GABRB3: variants seen among roughly 807,000 people sequenced by gnomAD.
The protein encoded by GABRB3 is gamma-aminobutyric acid receptor subunit beta-3.
A neutral mutation model predicts 52.1 loss-of-function variants in GABRB3; 14 were observed. That is an observed-to-expected ratio of 0.27 (90% CI 0.18 to 0.42). The LOEUF (loss-of-function observed/expected upper bound fraction) is 0.42. Among genes scored for constraint, GABRB3 ranks in the 10% least tolerant of loss-of-function variants. The pLI is 1.00. For missense variants in GABRB3, 307 were observed against 609.1 expected (o/e 0.50, Z 5.22); for synonymous variants, 260 against 232.3 (o/e 1.12, Z -1.08).
intron 3 of GABRB3, among the ~76,000 whole-genome samples, chr15:26,632,835 T>TA (rs1369386204): frequency 6.6e-6 from 1 of 152,220 alleles, no homozygotes; most frequent in African/African-American, 2.4e-5. Context: ...CTGTAGCCAT[T>TA]AATTGATCTA....
In GABRB3 at chr15:26,631,193, G is replaced by A. The variant is rs553492146; in HGVS notation, c.241-9659C>T. Among the ~76,000 whole-genome samples, 5 of 152,304 alleles carry A rather than the reference G, an allele frequency of 3.3e-5. No homozygotes were observed. In the East Asian group the frequency reaches 5.8e-4, roughly 18 times the overall value. On this transcript the variant is annotated intron_variant, in intron 3 of 8. Transcript: ENST00000311550. ...TGACTGCCCTTTCAAAATCTCCTGA[G>A]TATATACAAGCAGCAGCAACAACAA...
At chr15:26,726,261 A>G (rs978273133) in intron 3 of GABRB3, among the ~76,000 whole-genome samples, 1 of 152,118 alleles carries the variant, frequency 6.6e-6, no homozygotes, top group Non-Finnish European at 1.5e-5. Flanking sequence ...TAAATTTTGG[A>G]TTTTTGGATT....
At chr15:26,715,861 T>A (rs1889449900) in intron 3 of GABRB3, among the ~76,000 whole-genome samples, 1 of 152,184 alleles carries the variant, frequency 6.6e-6, no homozygotes, top group African/African-American at 2.4e-5. Context: ...TTGCAACTCA[T>A]TTATAATGTA....
chr15:26,716,724 C>T (rs1007885186), intron 3 of GABRB3: 2 of 1,014,740 alleles, frequency 2.0e-6, no homozygotes, highest in Non-Finnish European at 2.4e-6. Flanking sequence ...TTTCACAGGC[C>T]ATCCAGCTCA....
At chr15:26,684,596 C>T (rs753149915) in intron 3 of GABRB3, among the ~76,000 whole-genome samples, 4 of 152,090 alleles carry the variant, frequency 2.6e-5, no homozygotes, top group Non-Finnish European at 4.4e-5. Flanking sequence ...CACTGAGGGA[C>T]GTGCAACTCC....
intron 3 of GABRB3, among the ~76,000 whole-genome samples, chr15:26,752,016 C>G (rs1239803892): frequency 6.6e-6 from 1 of 152,118 alleles, no homozygotes; most frequent in Non-Finnish European, 1.5e-5. Context: ...ATATAAAAAA[C>G]AGCATGCTTT....
rs550090554 is a variant in GABRB3, at chr15:26,754,889, G to A, written c.240+17513C>T. ...GTGTCATGCACTCAAACACCCGAGG[G>A]GTCGAGGCTCGGCTCAGCCGTGGAG... On this transcript the variant is annotated intron_variant, in intron 3 of 8. Transcript: ENST00000311550. Among the ~76,000 whole-genome samples, 3 of 152,236 alleles carry A rather than the reference G, an allele frequency of 2.0e-5. No homozygotes were observed. The East Asian group carries it at 5.8e-4, about 29-fold the overall frequency.
At chr15:26,707,055 G>GGGAAAGAATCGGGGAAATACA (rs1378592057) in intron 3 of GABRB3, among the ~76,000 whole-genome samples, 2 of 152,186 alleles carry the variant, frequency 1.3e-5, no homozygotes, top group African/African-American at 4.8e-5. Flanking sequence ...CACAATCAAC[G>GGGAAAGAATCGGGGAAATACA]GGAAAGAATC....
intron 6 of GABRB3, among the ~76,000 whole-genome samples, chr15:26,577,356 T>C (rs1890629091): frequency 6.6e-6 from 1 of 151,904 alleles, no homozygotes; most frequent in African/African-American, 2.4e-5. Flanking sequence ...CTACTAAAAA[T>C]ACAAAATTTA....
At chr15:26,693,714 A>C (rs1330774345) in intron 3 of GABRB3, among the ~76,000 whole-genome samples, 1 of 152,248 alleles carries the variant, frequency 6.6e-6, no homozygotes, top group Non-Finnish European at 1.5e-5. Context: ...AGAGATAGAT[A>C]CAGAGAATCA....
intron 4 of GABRB3, among the ~76,000 whole-genome samples, chr15:26,587,234 T>C (rs539304680): frequency 6.6e-6 from 1 of 152,254 alleles, no homozygotes; most frequent in East Asian, 1.9e-4. Flanking sequence ...ATTAAAAAAA[T>C]GGAGCCACTT....
intron 4 of GABRB3, among the ~76,000 whole-genome samples, chr15:26,600,556 C>G (rs1891552544): frequency 6.6e-6 from 1 of 152,072 alleles, no homozygotes; most frequent in South Asian, 2.1e-4. Context: ...ACCCTGCATT[C>G]TAAGAAAGAG....
chr15:26,606,705 T>TAAG (rs35186395), intron 4 of GABRB3, among the ~76,000 whole-genome samples: 144,445 of 150,210 alleles, frequency 0.96, 69,601 homozygotes, highest in East Asian at 1. Context: ...AAAGAACAAG[T>TAAG]AAGAAGTAAA....
chr15:26,709,827 T>G (rs986545819), intron 3 of GABRB3, among the ~76,000 whole-genome samples: 2 of 152,128 alleles, frequency 1.3e-5, no homozygotes, highest in Non-Finnish European at 2.9e-5. Context: ...ATAAACCTCT[T>G]TTCTTTATAA....
At chr15:26,648,430 A>C (rs567173848) in intron 3 of GABRB3, among the ~76,000 whole-genome samples, 2 of 152,352 alleles carry the variant, frequency 1.3e-5, no homozygotes, top group African/African-American at 4.8e-5. Context: ...GTGCATGTGG[A>C]AGAGAAGCTC....
intron 4 of GABRB3, among the ~76,000 whole-genome samples, chr15:26,585,389 T>C (rs1007377711): frequency 2.0e-5 from 3 of 152,168 alleles, no homozygotes; most frequent in African/African-American, 7.2e-5. Flanking sequence ...CTGCAGGTAA[T>C]GAGCAAGCCC....
At chr15:26,696,024 C>A (rs988524118) in intron 3 of GABRB3, among the ~76,000 whole-genome samples, 4 of 152,134 alleles carry the variant, frequency 2.6e-5, no homozygotes, top group Non-Finnish European at 5.9e-5. Flanking sequence ...TGAAACAATA[C>A]GAAGCAAAAC....
chr15:26,708,212 G>C (rs963066251), intron 3 of GABRB3, among the ~76,000 whole-genome samples: 1 of 152,186 alleles, frequency 6.6e-6, no homozygotes, highest in African/African-American at 2.4e-5. Context: ...ATCTTTAAAA[G>C]GATGAGTACA....
In GABRB3 at chr15:26,621,557, A is replaced by C. The variant is rs376685915; in HGVS notation, c.241-23T>G. 1 of 1,590,842 alleles carries C rather than the reference A, an allele frequency of 6.3e-7. No homozygotes were observed. The highest frequency in any genetic ancestry group is 1.3e-5 in the African/African-American group (1 of 74,416). Reference sequence around the variant, plus strand: ...ATCCTGGGGGGAAAAGAAAAGAAAGAAAGTTAGTTTGTACCCAGCCACAGG... The same window carrying C: ...ATCCTGGGGGGAAAAGAAAAGAAAGCAAGTTAGTTTGTACCCAGCCACAGG... On this transcript the variant is annotated intron_variant, in intron 3 of 8. Coordinates refer to ENST00000311550, the MANE Select transcript of GABRB3 (RefSeq NM_000814.6). This position sits in a 1 kb window ranked among gnomAD's most constrained non-coding sequence, Gnocchi z 4.1.
Sources: gnomAD v4.1 joint callset for allele counts (sites outside exome capture counted in the v4.1 genomes callset) on GRCh38, gnomAD v4.1.1 for gene constraint, Gnocchi (gnomAD v3.1) non-coding constraint, MANE v1.5 for transcripts, NCBI Gene and HGNC (gene_info 2026-07-23, HGNC 2026-07-21) for gene names.